Variants in TEKT3 observed in about 807,000 individuals in gnomAD.
TEKT3 encodes the protein tektin 3, also known as tektin-3.
Under a neutral mutation model 49.8 loss-of-function variants are expected in TEKT3, and 49 were observed. The ratio of observed to expected loss-of-function variants is 0.98; its 90% CI spans 0.78 to 1.25. The LOEUF (loss-of-function observed/expected upper bound fraction) is 1.25, where lower values mean the gene tolerates loss of function less well. Ranked by LOEUF, TEKT3 falls within the 50% of genes most tolerant of loss-of-function variation. The probability of loss-of-function intolerance (pLI) is 0.00; values close to 1 mark genes in which losing one functional copy is unlikely to be tolerated. For missense variants in TEKT3, 595 were observed against 629.5 expected, an observed-to-expected ratio of 0.95 and a Z score of 0.59; for synonymous variants, 225 against 237.2, an observed-to-expected ratio of 0.95 and a Z score of 0.47.
chr17:15,342,694 T>G (rs1018540255), upstream of TEKT3, among the ~76,000 whole-genome samples: 1 of 152,128 alleles, frequency 6.6e-6, no homozygotes, highest in Non-Finnish European at 1.5e-5. Context: ...CTGCCTCAAG[T>G]GTTTACATTA....
chr17:15,341,091 A>ACT (rs1368196247), intron 1 of TEKT3, among the ~76,000 whole-genome samples: 3 of 151,530 alleles, frequency 2.0e-5, no homozygotes, highest in Admixed American at 1.3e-4. Flanking sequence ...AGGTGATTGA[A>ACT]CTCTCCTCCC....
Position 15,314,210 on chromosome 17 carries a change from T to C in TEKT3, c.755A>G (p.His252Arg), listed in dbSNP as rs2150737795. The C allele has an allele frequency of 2.5e-6, 4 of 1,614,190 alleles. No individual in the cohort carries two copies. Among genetic ancestry groups the C allele is most frequent in the Non-Finnish European group, 2.5e-6 (3 of 1,180,026 alleles). Residue 252 changes from histidine to arginine, a missense_variant, in exon 6 of 9, where the codon CAT becomes CGT. Transcript: ENST00000395930. ...GTCACTCAGGTCCTTTTCCAGCTCA[T>C]GCTGGGACGCTCTGTTGGCTCTGCA... ...AQLAANRASQHELEKDLSDKQ... is the reference protein window; with the variant it reads ...AQLAANRASQRELEKDLSDKQ...
At chr17:15,334,196 A>T (rs1567584810) in intron 2 of TEKT3, among the ~76,000 whole-genome samples, 2 of 151,982 alleles carry the variant, frequency 1.3e-5, no homozygotes, top group Non-Finnish European at 2.9e-5. Flanking sequence ...CTACAAACAC[A>T]CACCACCATG....
At chr17:15,334,689 T>C (rs1461504841) in intron 2 of TEKT3, among the ~76,000 whole-genome samples, 1 of 152,192 alleles carries the variant, frequency 6.6e-6, no homozygotes, top group Non-Finnish European at 1.5e-5. Flanking sequence ...ATCACAGAAG[T>C]AGAACTCCTC....
intron 8 of TEKT3, chr17:15,306,956 G>C (rs1465672669): frequency 6.6e-6 from 1 of 152,206 alleles, no homozygotes; most frequent in Non-Finnish European, 1.5e-5. Context: ...TGTGCATGAA[G>C]AGGGGTTCTA....
intron 3 of TEKT3, among the ~76,000 whole-genome samples, chr17:15,329,499 G>C (rs918238632): frequency 1.1e-4 from 16 of 152,376 alleles, no homozygotes; most frequent in African/African-American, 3.8e-4. Context: ...CTTAAAGGCA[G>C]TCAAGGGTAG....
chr17:15,319,808 T>G (rs1911174663), intron 4 of TEKT3, among the ~76,000 whole-genome samples: 1 of 152,206 alleles, frequency 6.6e-6, no homozygotes, highest in Non-Finnish European at 1.5e-5. Flanking sequence ...AAATCAACAT[T>G]TATTTCCCCC....
In TEKT3 at chr17:15,304,215, C is replaced by A. The variant is rs533014568; in HGVS notation, c.1257-63G>T. 6.5e-7 allele frequency: 1 copy of A among 1,533,900 alleles called. No homozygotes were observed. The highest frequency in any genetic ancestry group is 2.3e-5 in the East Asian group (1 of 44,070). On this transcript the variant is annotated intron_variant, in intron 8 of 8. Coordinates refer to ENST00000395930, the MANE Select transcript of TEKT3 (RefSeq NM_031898.3). This position sits in a 1 kb window ranked among gnomAD's most constrained non-coding sequence, Gnocchi z 4.7. ...GTAGCTTACGCAACTCCAAGTACAT[C>A]ACATTGTAACCAGCGATGCAAAGCT...
At chr17:15,337,033 A>G (rs1038252117) in intron 2 of TEKT3, among the ~76,000 whole-genome samples, 1 of 152,022 alleles carries the variant, frequency 6.6e-6, no homozygotes, top group African/African-American at 2.4e-5. Context: ...ACAATACTAA[A>G]TACTTCTTAC....
Position 15,308,653 on chromosome 17 carries a change from TC to T in TEKT3, c.1256+10del. 1.2e-6 allele frequency: 2 copies of T among 1,601,078 alleles called. No individual in the cohort carries two copies. Among genetic ancestry groups the T allele is most frequent in the Non-Finnish European group, 1.7e-6 (2 of 1,170,914 alleles). On this transcript the variant is annotated intron_variant, in intron 8 of 8. Transcript: ENST00000395930. The stretch of plus-strand genomic sequence containing the variant: ...TCCGAGCGAGCCCCGAGCCTTCCCC[TC>T]CCACCTTACCGTAGCTGAGCCATGT...
Position 15,331,006 on chromosome 17 carries a change from C to G in TEKT3, c.579+1G>C, listed in dbSNP as rs554823229. ...CAGTGTGTTCTATCATAAGGTCTTA[C>G]CTGAAGAGGGGCTTCAGTCTCCATC... On this transcript the variant is annotated splice_donor_variant, in intron 3 of 8. Transcript: ENST00000395930. LOFTEE classifies it high-confidence loss of function. 424 of 1,604,862 alleles carry G rather than the reference C, an allele frequency of 2.6e-4. 4 individuals are homozygous for G. In the South Asian group the frequency reaches 4.5e-3, roughly 17 times the overall value.
In TEKT3 at chr17:15,331,479, C is replaced by T. The variant is rs753700946; in HGVS notation, c.107G>A (p.Arg36His). The T allele has an allele frequency of 1.1e-5, 18 of 1,614,022 alleles. No homozygotes were observed. Among genetic ancestry groups the T allele is most frequent in the South Asian group, 1.1e-4 (10 of 91,058 alleles). Residue 36 changes from arginine to histidine, a missense_variant, in exon 3 of 9, where the codon CGC (arginine) becomes CAC (histidine). By Grantham distance (29) the Arg-to-His change is conservative (BLOSUM62 0). Transcript: ENST00000395930. ...ATGGGTCAAATTGGAGTGGGGAAAG[C>T]GGTCCCTGTAGCTTGAGGCCATGGT... ...ISTMASSYRD[R>H]FPHSNLTHSL...
chr17:15,313,714 C>T (rs566139209), intron 6 of TEKT3, among the ~76,000 whole-genome samples: 1 of 151,938 alleles, frequency 6.6e-6, no homozygotes, highest in African/African-American at 2.4e-5. Flanking sequence ...TCACCATGTT[C>T]GTCAGGCTGG....
intron 4 of TEKT3, among the ~76,000 whole-genome samples, chr17:15,327,062 G>A (rs230899): frequency 0.47 from 70,742 of 151,482 alleles, 17,633 homozygotes; most frequent in African/African-American, 0.64. Flanking sequence ...ACAGTTATCA[G>A]TAATAATATT....
At chr17:15,313,945 G>A (rs1910880403) in intron 6 of TEKT3, 142 bp downstream of exon 6, 1 of 1,144,590 alleles carries the variant, frequency 8.7e-7, no homozygotes, top group South Asian at 1.5e-5. Context: ...TTGCTTACTG[G>A]AGACTTGTCC....
At chr17:15,318,895 A>G (rs939079521) in intron 5 of TEKT3, among the ~76,000 whole-genome samples, 182 bp downstream of exon 5, 1 of 152,232 alleles carries the variant, frequency 6.6e-6, no homozygotes, top group African/African-American at 2.4e-5. Flanking sequence ...ACAGGCATAC[A>G]ACGTGTAAGA....
Position 15,341,556 on chromosome 17 carries a change from T to C in TEKT3, c.-102A>G, listed in dbSNP as rs1331185922. ...CCCGGCGAGGGGCGGGAAGGGGCTGTGGGAGGAAGGGGTCGCAGCCTACCA... is the reference window on the plus strand; with the variant it reads ...CCCGGCGAGGGGCGGGAAGGGGCTGCGGGAGGAAGGGGTCGCAGCCTACCA... On this transcript the variant is annotated 5_prime_UTR_variant, in exon 1 of 9. Coordinates refer to ENST00000395930, the MANE Select transcript of TEKT3 (RefSeq NM_031898.3). The C allele has an allele frequency of 6.6e-6, 1 of 152,316 alleles. No individual in the cohort carries two copies. Among genetic ancestry groups the C allele is most frequent in the East Asian group, 1.9e-4 (1 of 5,150 alleles). 9.4% of individuals were successfully genotyped at this position (152,316 alleles called of 1,614,324 possible). A position where few individuals can be genotyped will look rare whatever the true frequency, so the allele number is the denominator to read the frequency against.
chr17:15,308,710 T>G lies in TEKT3; in HGVS notation c.1210A>C (p.Thr404Pro), dbSNP rs1360859551. The G allele has an allele frequency of 1.4e-5, 22 of 1,613,420 alleles. No individual in the cohort carries two copies. The highest frequency in any genetic ancestry group is 1.8e-5 in the Non-Finnish European group (21 of 1,179,898). ...KVAQTRLDERTRRPNIELCRD... is the reference protein window; with the variant it reads ...KVAQTRLDERPRRPNIELCRD... Reference sequence around the variant, plus strand: ...CACAACTCAATGTTCGGCCGTCTTGTGCGCTCATCCAGTCTGGTCTGAGCC... The same window carrying G: ...CACAACTCAATGTTCGGCCGTCTTGGGCGCTCATCCAGTCTGGTCTGAGCC... The change falls in exon 8 of 9, where the codon ACA becomes CCA. Residue 404 changes from threonine (T) to proline (P), a missense_variant. Transcript: ENST00000395930.
In TEKT3 at chr17:15,308,742, A is replaced by C; in HGVS notation, c.1178T>G (p.Leu393Arg). ...ATCCAGTCTGGTCTGAGCCACCTTCAGGAAGGCAGTCTTGTCCTTGATGGC... is the reference window on the plus strand; with the variant it reads ...ATCCAGTCTGGTCTGAGCCACCTTCCGGAAGGCAGTCTTGTCCTTGATGGC... The part of the protein sequence containing the change: ...KKAIKDKTAF[L>R]KVAQTRLDER... The change falls in exon 8 of 9, where the codon CTG (leucine) becomes CGG (arginine). Residue 393 changes from leucine (L) to arginine (R), a missense_variant. By Grantham distance (102) the Leu-to-Arg change is moderately radical (BLOSUM62 -2). Transcript: ENST00000395930. 6.2e-7 allele frequency: 1 copy of C among 1,614,038 alleles called. No homozygotes were observed. The highest frequency in any genetic ancestry group is 1.3e-5 in the African/African-American group (1 of 75,028).
Sources: gnomAD v4.1 joint callset for allele counts (sites outside exome capture counted in the v4.1 genomes callset) on GRCh38, gnomAD v4.1.1 for gene constraint, Gnocchi (gnomAD v3.1) non-coding constraint, MANE v1.5 for transcripts, NCBI Gene and HGNC (gene_info 2026-07-23, HGNC 2026-07-21) for gene names.